GULP1: variants seen among roughly 807,000 people sequenced by gnomAD.
GULP1 encodes PTB domain-containing engulfment adapter protein 1.
Under a neutral mutation model 40.9 loss-of-function variants are expected in GULP1, and 19 were observed. That is an observed-to-expected ratio of 0.46 (90% confidence interval 0.32 to 0.68). The LOEUF (loss-of-function observed/expected upper bound fraction) is 0.68, where lower values mean the gene tolerates loss of function less well. Among genes scored for constraint, GULP1 ranks in the 30% least tolerant of loss-of-function variants. The pLI is 0.03. For synonymous variants in GULP1, 119 were observed against 117.6 expected, an observed-to-expected ratio of 1.01 and a Z score of -0.08; for missense variants, 312 against 362.2, an observed-to-expected ratio of 0.86 and a Z score of 1.12.
At chr2:188,466,800 G>A (rs2060167270) in intron 2 of GULP1, among the ~76,000 whole-genome samples, 1 of 151,966 alleles carries the variant, frequency 6.6e-6, no homozygotes. Context: ...TTGCTGTCTG[G>A]TAGGTATCTC....
chr2:188,558,381 G>A (rs776587334), intron 7 of GULP1, among the ~76,000 whole-genome samples: 2 of 152,120 alleles, frequency 1.3e-5, no homozygotes, highest in Non-Finnish European at 2.9e-5. Flanking sequence ...CCACTGCCAC[G>A]TAAGAAGTGC....
At chr2:188,435,157 G>T (rs1470797541) in intron 2 of GULP1, among the ~76,000 whole-genome samples, 1 of 151,878 alleles carries the variant, frequency 6.6e-6, no homozygotes, top group East Asian at 1.9e-4. Context: ...ATTCCAGTTT[G>T]TCTCAGTTGG....
chr2:188,427,354 A>C (rs1323408716), intron 2 of GULP1, among the ~76,000 whole-genome samples: 2 of 152,214 alleles, frequency 1.3e-5, no homozygotes, highest in Non-Finnish European at 2.9e-5. Flanking sequence ...TTCCATAACT[A>C]AAATGAAGGC....
chr2:188,293,463 CTG>C (rs1301890454), intron 1 of GULP1, among the ~76,000 whole-genome samples: 1 of 152,110 alleles, frequency 6.6e-6, no homozygotes, highest in Non-Finnish European at 1.5e-5. Context: ...GATTTTGTGT[CTG>C]TATTACAAAA....
chr2:188,572,927 G>T (rs902399106), intron 9 of GULP1, among the ~76,000 whole-genome samples: 1 of 152,124 alleles, frequency 6.6e-6, no homozygotes, highest in Non-Finnish European at 1.5e-5. Context: ...ATAAGTTCAA[G>T]AGATCTCTTG....
At chr2:188,471,399 C>T (rs1157851512) in intron 2 of GULP1, among the ~76,000 whole-genome samples, 2 of 151,972 alleles carry the variant, frequency 1.3e-5, no homozygotes, top group East Asian at 3.9e-4. Context: ...TTACTCCTGC[C>T]GTTTTATTAT....
intron 1 of GULP1, among the ~76,000 whole-genome samples, chr2:188,344,685 T>C (rs951573035): frequency 6.6e-5 from 10 of 152,186 alleles, no homozygotes; most frequent in African/African-American, 2.2e-4. Context: ...GGTCATCCAG[T>C]TGTGTGGCTA....
intron 11 of GULP1, chr2:188,588,259 A>G (rs1164537432): frequency 3.3e-6 from 1 of 300,966 alleles, no homozygotes; most frequent in African/African-American, 2.2e-5. Context: ...CAGTCACTGC[A>G]TTAGATTTAT....
intron 1 of GULP1, among the ~76,000 whole-genome samples, chr2:188,343,507 G>A (rs1178756275): frequency 6.6e-6 from 1 of 152,150 alleles, no homozygotes; most frequent in Non-Finnish European, 1.5e-5. Flanking sequence ...TAAGGTAATA[G>A]TAAAAGATCC....
At chr2:188,580,777 T>C (rs1701155647) in intron 9 of GULP1, among the ~76,000 whole-genome samples, 1 of 152,102 alleles carries the variant, frequency 6.6e-6, no homozygotes, top group Non-Finnish European at 1.5e-5. Context: ...ACCTCAGACT[T>C]GTTGGTCCTT....
chr2:188,458,753 A>G (rs1483206790), intron 2 of GULP1, among the ~76,000 whole-genome samples: 2 of 152,094 alleles, frequency 1.3e-5, no homozygotes, highest in African/African-American at 4.8e-5. Flanking sequence ...TTTTTGTGCT[A>G]TCAAATGGTA....
intron 1 of GULP1, among the ~76,000 whole-genome samples, chr2:188,301,534 A>C (rs1308048710): frequency 6.6e-6 from 1 of 152,036 alleles, no homozygotes; most frequent in Non-Finnish European, 1.5e-5. Context: ...TATTATTCAA[A>C]TGTCCACTCT....
chr2:188,406,282 A>G (rs1225921637), intron 2 of GULP1, among the ~76,000 whole-genome samples: 1 of 152,206 alleles, frequency 6.6e-6, no homozygotes, highest in African/African-American at 2.4e-5. Context: ...TTGTAACACA[A>G]TGGTAAGTAT....
At chr2:188,522,228 A>C (rs1203669286) in intron 4 of GULP1, among the ~76,000 whole-genome samples, 1 of 152,176 alleles carries the variant, frequency 6.6e-6, no homozygotes, top group African/African-American at 2.4e-5. Flanking sequence ...GAGTCTCATA[A>C]GTGGAAAACA....
intron 2 of GULP1, among the ~76,000 whole-genome samples, chr2:188,405,355 C>A (rs2052921395): frequency 6.6e-6 from 1 of 152,146 alleles, no homozygotes; most frequent in South Asian, 2.1e-4. Flanking sequence ...AGGCTCTAGG[C>A]TAGTTCCCAT....
intron 2 of GULP1, among the ~76,000 whole-genome samples, chr2:188,465,945 T>C (rs1426069704): frequency 6.6e-6 from 1 of 151,574 alleles, no homozygotes; most frequent in Non-Finnish European, 1.5e-5. Context: ...GATTTTTGGC[T>C]CTTATGAAGG....
At chr2:188,324,369 G>T (rs2040447900) in intron 1 of GULP1, among the ~76,000 whole-genome samples, 1 of 152,000 alleles carries the variant, frequency 6.6e-6, no homozygotes, top group South Asian at 2.1e-4. Context: ...AAAAATAATT[G>T]CTTAGTGAAC....
intron 2 of GULP1, among the ~76,000 whole-genome samples, chr2:188,428,070 G>A (rs1575178984): frequency 6.6e-6 from 1 of 152,332 alleles, no homozygotes; most frequent in South Asian, 2.1e-4. Flanking sequence ...TTATTTCAAA[G>A]CCTTAATATT....
At chr2:188,499,636 C>A (rs2063241017) in intron 4 of GULP1, among the ~76,000 whole-genome samples, 2 of 151,736 alleles carry the variant, frequency 1.3e-5, no homozygotes, top group South Asian at 4.1e-4. Context: ...TAAGGTCACA[C>A]CATGTAAAAA....
Sources: allele counts gnomAD v4.1 joint callset (sites outside exome capture counted in the v4.1 genomes callset), GRCh38; gene constraint gnomAD v4.1.1; transcripts MANE v1.5; gene names NCBI Gene and HGNC (gene_info 2026-07-23, HGNC 2026-07-21).